Variants in COL8A1 observed in about 807,000 individuals in gnomAD.
The protein encoded by COL8A1 is collagen alpha-1(VIII) chain.
Under a neutral mutation model 42.7 loss-of-function variants are expected in COL8A1, and 21 were observed. That is an observed-to-expected ratio of 0.49 (90% CI 0.35 to 0.71). COL8A1 has a LOEUF of 0.71. Among genes scored for constraint, COL8A1 ranks in the 30% least tolerant of loss-of-function variants. The pLI is 0.01. For synonymous variants in COL8A1, 367 were observed against 369.1 expected (o/e 0.99, Z 0.06); for missense variants, 788 against 962.4 (o/e 0.82, Z 2.40).
rs181979753 is a variant in COL8A1 at position 99,725,244 on chromosome 3, C to G, written c.-128-19653C>G. Among the ~76,000 whole-genome samples, 4 of 151,968 alleles carry G rather than the reference C, an allele frequency of 2.6e-5. No individual in the cohort carries two copies. In the South Asian group the frequency reaches 8.3e-4, roughly 31 times the overall value. On this transcript the variant is annotated intron_variant, in intron 1 of 3. Transcript: ENST00000652472. Reference sequence around the variant, plus strand: ...GGATTCTCACCGAACTCTCCCTGGACAGCAGGACATTGCTGAGTTCACCCA... The same window carrying G: ...GGATTCTCACCGAACTCTCCCTGGAGAGCAGGACATTGCTGAGTTCACCCA...
chr3:99,734,612 A>C (rs1576454619), intron 1 of COL8A1, among the ~76,000 whole-genome samples: 1 of 152,056 alleles, frequency 6.6e-6, no homozygotes, highest in East Asian at 1.9e-4. Context: ...CTTTTGGCTT[A>C]GGATTGACTT....
At chr3:99,736,731 G>T (rs1327766723) in intron 1 of COL8A1, among the ~76,000 whole-genome samples, 3 of 152,050 alleles carry the variant, frequency 2.0e-5, no homozygotes, top group African/African-American at 7.2e-5. Context: ...GGAGAGTTCT[G>T]TAGATGTCTA....
chr3:99,797,335 C>G lies in COL8A1; in HGVS notation c.*1199C>G, dbSNP rs137996939. On this transcript the variant is annotated 3_prime_UTR_variant, in exon 4 of 4. Coordinates refer to ENST00000652472, the MANE Select transcript of COL8A1 (RefSeq NM_020351.4). ...TCACCCAGGCTGGAGTGCAGTAGCA[C>G]GATCTTGGCTTACTGCAACCTCTAC... The G allele has an allele frequency of 1.3e-5, 2 of 152,022 alleles. No individual in the cohort carries two copies. Among genetic ancestry groups the G allele is most frequent in the Non-Finnish European group, 2.9e-5 (2 of 68,042 alleles). 9.4% of individuals were successfully genotyped at this position (152,022 alleles called of 1,614,324 possible).
chr3:99,733,883 AT>A (rs1388264278), intron 1 of COL8A1, among the ~76,000 whole-genome samples: 1 of 151,946 alleles, frequency 6.6e-6, no homozygotes, highest in East Asian at 1.9e-4. Flanking sequence ...TTTGATTTGC[AT>A]TTCTCTGATG....
rs1007252716 is a variant in COL8A1, at chr3:99,761,054, C to A, written c.-4+16033C>A. Among the ~76,000 whole-genome samples the A allele has an allele frequency of 7.2e-5, 11 of 152,280 alleles. 1 individual carries two copies. The South Asian group carries it at 1.5e-3, about 20-fold the overall frequency. Reference sequence around the variant, plus strand: ...AGAGAGGTAGAAAATAGTCAAAGAACGTCTTCTAGTTTCACATTTGCTCTC... The same window carrying A: ...AGAGAGGTAGAAAATAGTCAAAGAAAGTCTTCTAGTTTCACATTTGCTCTC... On this transcript the variant is annotated intron_variant, in intron 2 of 3. Transcript: ENST00000652472.
At chr3:99,673,875 G>A (rs1325239092) in intron 1 of COL8A1, among the ~76,000 whole-genome samples, 1 of 151,966 alleles carries the variant, frequency 6.6e-6, no homozygotes, top group Non-Finnish European at 1.5e-5. Flanking sequence ...TAAGGATGAT[G>A]ATGTTATTAA....
chr3:99,726,649 C>A (rs1317283159), intron 1 of COL8A1, among the ~76,000 whole-genome samples: 4 of 152,134 alleles, frequency 2.6e-5, no homozygotes, highest in Non-Finnish European at 5.9e-5. Flanking sequence ...GTTTTCCCAG[C>A]ACCATTTATT....
At chr3:99,733,393 G>A (rs1043153241) in intron 1 of COL8A1, among the ~76,000 whole-genome samples, 2 of 137,670 alleles carry the variant, frequency 1.5e-5, no homozygotes, top group Non-Finnish European at 3.1e-5. Flanking sequence ...GTGAGAATAT[G>A]TGGTGTTTGG....
In COL8A1 at chr3:99,696,611, T is replaced by C. The variant is rs114988150; in HGVS notation, c.-128-48286T>C. Among the ~76,000 whole-genome samples the C allele has an allele frequency of 3.8e-3, 579 of 152,306 alleles. 5 individuals carry two copies. Among genetic ancestry groups the C allele is most frequent in the Non-Finnish European group, 6.7e-3 (455 of 68,022 alleles). ...GCACCAAAGGTGTTGGAGGCCTGTT[T>C]GCATATGGCCAGCCACTGGTGGGAG... On this transcript the variant is annotated intron_variant, in intron 1 of 3. Transcript: ENST00000652472.
intron 2 of COL8A1, among the ~76,000 whole-genome samples, chr3:99,784,737 T>C (rs1233505514): frequency 1.3e-5 from 2 of 152,194 alleles, no homozygotes; most frequent in Non-Finnish European, 2.9e-5. Flanking sequence ...GGACCACTAG[T>C]ATAAATATGG....
rs1251825398 is a variant in COL8A1 at position 99,794,101 on chromosome 3, T to G, written c.329-129T>G. 5.1e-6 allele frequency: 3 copies of G among 593,664 alleles called. No homozygotes were observed. In the African/African-American group the frequency reaches 5.5e-5, roughly 11 times the overall value. The allele number at this position is 593,664 out of a possible 1,614,324, so 36.8% of individuals were successfully genotyped here. On this transcript the variant is annotated intron_variant, in intron 3 of 3. Transcript: ENST00000652472. This position sits in a 1 kb window ranked among gnomAD's most constrained non-coding sequence, Gnocchi z 4.3. Reference sequence around the variant, plus strand: ...GCATATTATTCCTAGTCTTTTCTCTTGATAAGTATTAGGCAAATGTGTCAG... The same window carrying G: ...GCATATTATTCCTAGTCTTTTCTCTGGATAAGTATTAGGCAAATGTGTCAG...
intron 1 of COL8A1, among the ~76,000 whole-genome samples, chr3:99,701,141 C>T (rs2107346630): frequency 6.6e-6 from 1 of 152,272 alleles, no homozygotes; most frequent in East Asian, 1.9e-4. Context: ...ATAGCAAGGC[C>T]CCGGCTGAGG....
chr3:99,729,323 T>C (rs1463737414), intron 1 of COL8A1, among the ~76,000 whole-genome samples: 1 of 152,052 alleles, frequency 6.6e-6, no homozygotes, highest in East Asian at 1.9e-4. Flanking sequence ...TATTCCAAAC[T>C]AATAGAATCC....
intron 1 of COL8A1, among the ~76,000 whole-genome samples, chr3:99,711,560 G>T (rs925369932): frequency 7.9e-5 from 12 of 152,104 alleles, no homozygotes; most frequent in Non-Finnish European, 1.6e-4. Context: ...AACGAAGCCA[G>T]TTCTCACCAG....
intron 2 of COL8A1, among the ~76,000 whole-genome samples, chr3:99,770,303 C>T (rs1397758983): frequency 1.3e-5 from 2 of 152,142 alleles, no homozygotes; most frequent in Non-Finnish European, 2.9e-5. Flanking sequence ...AAGGTCAAAG[C>T]GTGACCTTCT....
Position 99,794,443 on chromosome 3 carries a change from T to C in COL8A1, c.542T>C (p.Ile181Thr). The C allele has an allele frequency of 6.2e-7, 1 of 1,613,174 alleles. No individual in the cohort carries two copies. The highest frequency in any genetic ancestry group is 8.5e-7 in the Non-Finnish European group (1 of 1,179,694). ...AMGMPGAKGE[I>T]GQKGEIGPMG... Reference sequence around the variant, plus strand: ...GGCATGCCTGGGGCAAAAGGAGAAATTGGACAGAAAGGGGAAATTGGGCCT... The same window carrying C: ...GGCATGCCTGGGGCAAAAGGAGAAACTGGACAGAAAGGGGAAATTGGGCCT... Residue 181 changes from isoleucine to threonine, a missense_variant, in exon 4 of 4, where the codon ATT (isoleucine) becomes ACT (threonine). Ile to Thr is a moderately conservative substitution (Grantham distance 89). Transcript: ENST00000652472. The surrounding 1 kb of genome is among the most constrained non-coding windows in gnomAD (Gnocchi z 4.3).
At chr3:99,786,829 G>C (rs992055965) in intron 2 of COL8A1, among the ~76,000 whole-genome samples, 1 of 152,152 alleles carries the variant, frequency 6.6e-6, no homozygotes, top group African/African-American at 2.4e-5. Flanking sequence ...AATCAAGAGA[G>C]AATTTTCTTT....
At chr3:99,762,733 A>G (rs1397277548) in intron 2 of COL8A1, among the ~76,000 whole-genome samples, 1 of 152,210 alleles carries the variant, frequency 6.6e-6, no homozygotes, top group Admixed American at 6.5e-5. Context: ...CTGTGCAGAC[A>G]CTGGAAAGGG....
rs114783903 is a variant in COL8A1, at chr3:99,650,505, G to T, written c.-129+11841G>T. Among the ~76,000 whole-genome samples, 1,449 of 152,116 alleles carry T rather than the reference G, an allele frequency of 9.5e-3. 25 individuals are homozygous for T. Among genetic ancestry groups the T allele is most frequent in the African/African-American group, 0.032 (1,314 of 41,496 alleles). ...GCTGGAGTGCAGCGGCATGATCTTG[G>T]CTCACTGTGACCTTCACCTCCCGGG... is the stretch of plus-strand genomic sequence containing the variant. On this transcript the variant is annotated intron_variant, in intron 1 of 3. Transcript: ENST00000652472.
Sources: gnomAD v4.1 joint callset for allele counts (sites outside exome capture counted in the v4.1 genomes callset) on GRCh38, gnomAD v4.1.1 for gene constraint, Gnocchi (gnomAD v3.1) non-coding constraint, MANE v1.5 for transcripts, NCBI Gene and HGNC (gene_info 2026-07-23, HGNC 2026-07-21) for gene names.